Variants in SKAP2 observed in about 807,000 individuals in gnomAD.
The protein encoded by SKAP2 is src kinase-associated phosphoprotein 2.
A neutral mutation model predicts 54.9 loss-of-function variants in SKAP2; 28 were observed. The observed-to-expected ratio is 0.51, with a 90% CI of 0.38 to 0.70. The LOEUF (loss-of-function observed/expected upper bound fraction) is 0.70. Ranked by LOEUF, SKAP2 falls within the 30% of genes least tolerant of loss-of-function variation. The pLI, the probability that SKAP2 is intolerant of heterozygous loss-of-function variation, is 0.00. For missense variants in SKAP2, 356 were observed against 424.1 expected (o/e 0.84, Z 1.41); for synonymous variants, 137 against 134.3 (o/e 1.02, Z -0.14).
intron 4 of SKAP2, among the ~76,000 whole-genome samples, chr7:26,746,219 CAG>C (rs1234312345): frequency 5.9e-5 from 9 of 152,106 alleles, no homozygotes; most frequent in African/African-American, 2.2e-4. Context: ...CCTCTGTTCC[CAG>C]AGCTGTGACT....
chr7:26,799,587 A>G (rs1783865957), intron 4 of SKAP2, among the ~76,000 whole-genome samples: 1 of 152,224 alleles, frequency 6.6e-6, no homozygotes, highest in Non-Finnish European at 1.5e-5. Flanking sequence ...CTAAAGAAAG[A>G]GATAGGCCCT....
intron 4 of SKAP2, among the ~76,000 whole-genome samples, chr7:26,840,652 A>C (rs1387588153): frequency 6.6e-6 from 1 of 152,096 alleles, no homozygotes; most frequent in Non-Finnish European, 1.5e-5. Context: ...TGATAGCATA[A>C]AACTTCTAAC....
intron 10 of SKAP2, among the ~76,000 whole-genome samples, chr7:26,685,928 T>C (rs545044966): frequency 6.6e-6 from 1 of 152,294 alleles, no homozygotes; most frequent in African/African-American, 2.4e-5. Flanking sequence ...ATCACTGGAA[T>C]GTCATCTTTG....
intron 4 of SKAP2, among the ~76,000 whole-genome samples, chr7:26,789,740 G>T (rs371586172): frequency 6.6e-6 from 1 of 152,022 alleles, no homozygotes; most frequent in African/African-American, 2.4e-5. Flanking sequence ...GTTTAATGCC[G>T]CACTAATTAT....
chr7:26,739,094 A>G (rs1363228141), intron 5 of SKAP2, among the ~76,000 whole-genome samples: 2 of 152,326 alleles, frequency 1.3e-5, no homozygotes, highest in South Asian at 2.1e-4. Context: ...GATCAACAGC[A>G]TGGCTAACAA....
chr7:26,852,807 C>A (rs1785072846), intron 3 of SKAP2, among the ~76,000 whole-genome samples: 1 of 152,040 alleles, frequency 6.6e-6, no homozygotes, highest in African/African-American at 2.4e-5. Flanking sequence ...AGCCACAAAG[C>A]ACAATGCAAG....
At chr7:26,657,195 TTGTTG>T in the SKAP2 span, among the ~76,000 whole-genome samples, 1 of 152,348 alleles carries the variant, frequency 6.6e-6, no homozygotes, top group East Asian at 1.9e-4. Flanking sequence ...GCTTTGTGAC[TTGTTG>T]TATCAGCTAT....
chr7:26,704,600 C>G (rs1787117036), intron 9 of SKAP2, among the ~76,000 whole-genome samples: 1 of 152,180 alleles, frequency 6.6e-6, no homozygotes, highest in African/African-American at 2.4e-5. Context: ...GAGATATCTT[C>G]TTGACATACA....
intron 4 of SKAP2, among the ~76,000 whole-genome samples, chr7:26,804,097 A>T (rs1484395741): frequency 6.6e-6 from 1 of 152,198 alleles, no homozygotes; most frequent in Non-Finnish European, 1.5e-5. Context: ...TGTATATTTT[A>T]AAATAACTTA....
intron 1 of SKAP2, among the ~76,000 whole-genome samples, chr7:26,857,154 CT>C (rs34940910): frequency 0.54 from 71,475 of 131,778 alleles, 19,156 homozygotes; most frequent in East Asian, 0.84. Flanking sequence ...TGGGTATGGT[CT>C]TTTTTTTTTT....
chr7:26,712,015 ATGGGTT>A (rs1787319327), intron 9 of SKAP2, among the ~76,000 whole-genome samples: 1 of 152,130 alleles, frequency 6.6e-6, no homozygotes, highest in African/African-American at 2.4e-5. Context: ...GAAGTCAATG[ATGGGTT>A]TGAGGGTTCT....
rs1017445733 is a variant in SKAP2 at position 26,717,292 on chromosome 7, C to T, written c.796+8136G>A. Among the ~76,000 whole-genome samples, 7 of 151,998 alleles carry T rather than the reference C, an allele frequency of 4.6e-5. No homozygotes were observed. In the East Asian group the frequency reaches 1.4e-3, roughly 29 times the overall value. On this transcript the variant is annotated intron_variant, in intron 9 of 12. Transcript: ENST00000345317. ...TTGGGAGGCTGAAGTGGGCAGATCGCTTGAACTCAGAAGTTGGAGACCATC... is the reference window on the plus strand; with the variant it reads ...TTGGGAGGCTGAAGTGGGCAGATCGTTTGAACTCAGAAGTTGGAGACCATC...
chr7:26,716,448 T>G (rs1787441140), intron 9 of SKAP2, among the ~76,000 whole-genome samples: 1 of 152,220 alleles, frequency 6.6e-6, no homozygotes, highest in Admixed American at 6.5e-5. Context: ...TAGAAATGCA[T>G]GGTGTATTTA....
chr7:26,697,337 G>A (rs1786917845), intron 9 of SKAP2, among the ~76,000 whole-genome samples: 1 of 152,134 alleles, frequency 6.6e-6, no homozygotes, highest in Non-Finnish European at 1.5e-5. Flanking sequence ...AATGTATATA[G>A]GTTAAAAACA....
intron 4 of SKAP2, among the ~76,000 whole-genome samples, chr7:26,833,464 A>T (rs907543997): frequency 1.3e-4 from 20 of 151,928 alleles, no homozygotes; most frequent in Middle Eastern, 3.4e-3. Context: ...GGTGTGCTGT[A>T]TTCAGGAGAC....
In SKAP2 at chr7:26,804,992, A is replaced by G. The variant is rs940967897; in HGVS notation, c.307+39038T>C. Among the ~76,000 whole-genome samples, 6 of 152,272 alleles carry G rather than the reference A, an allele frequency of 3.9e-5. 1 individual carries two copies. Among genetic ancestry groups the G allele is most frequent in the East Asian group, 1.9e-4 (1 of 5,170 alleles). On this transcript the variant is annotated intron_variant, in intron 4 of 12. Transcript: ENST00000345317. ...TTAAAGTATAAAACACAGTATCCAG[A>G]ATATGATGTCTAATATGCACAGAAA...
chr7:26,806,821 A>C (rs1184116771), intron 4 of SKAP2, among the ~76,000 whole-genome samples: 1 of 152,204 alleles, frequency 6.6e-6, no homozygotes, highest in East Asian at 1.9e-4. Context: ...GAAGACTGAG[A>C]GGTAAGGAAG....
chr7:26,819,340 T>A (rs1269462049), intron 4 of SKAP2, among the ~76,000 whole-genome samples: 1 of 152,082 alleles, frequency 6.6e-6, no homozygotes, highest in Non-Finnish European at 1.5e-5. Flanking sequence ...CACCGCATGT[T>A]CTCACTCATA....
At chr7:26,864,274 A>G in intron 1 of SKAP2, 89 bp downstream of exon 1, 1 of 1,508,956 alleles carries the variant, frequency 6.6e-7, no homozygotes. Flanking sequence ...GGGAGGGAGG[A>G]TAAGGGCTCT....
Sources: gnomAD v4.1 joint callset for allele counts (sites outside exome capture counted in the v4.1 genomes callset) on GRCh38, gnomAD v4.1.1 for gene constraint, MANE v1.5 for transcripts, NCBI Gene and HGNC (gene_info 2026-07-23, HGNC 2026-07-21) for gene names.